SYNPO2: variants seen among roughly 807,000 people sequenced by gnomAD.
SYNPO2 encodes the protein synaptopodin-2.
A neutral mutation model predicts 85.0 loss-of-function variants in SYNPO2; 56 were observed. The ratio of observed to expected loss-of-function variants is 0.66; its 90% CI spans 0.53 to 0.82. The LOEUF is 0.82. Among genes scored for constraint, SYNPO2 ranks in the 40% least tolerant of loss-of-function variants. SYNPO2 has a pLI of 0.00. For synonymous variants in SYNPO2, 602 were observed against 591.1 expected (o/e 1.02, Z -0.27); for missense variants, 1,575 against 1,534.2 (o/e 1.03, Z -0.44).
At chr4:118,918,182 A>T (rs1733416461) in intron 1 of SYNPO2, among the ~76,000 whole-genome samples, 1 of 152,220 alleles carries the variant, frequency 6.6e-6, no homozygotes, top group Non-Finnish European at 1.5e-5. Flanking sequence ...AACTTTAAAA[A>T]ATCCATTTTT....
At chr4:118,906,001 C>A (rs955608) in intron 1 of SYNPO2, among the ~76,000 whole-genome samples, 129,769 of 152,220 alleles carry the variant, frequency 0.85, 55,437 homozygotes, top group Middle Eastern at 0.94. Context: ...AGTAGGAACC[C>A]CATCTTTTCA....
chr4:118,987,674 G>A (rs1040359145), intron 1 of SYNPO2, among the ~76,000 whole-genome samples: 4 of 150,010 alleles, frequency 2.7e-5, no homozygotes, highest in Non-Finnish European at 4.4e-5. Context: ...ATGTGAACTC[G>A]AATTACTGCT....
At chr4:118,952,113 C>T (rs1263995808) in intron 1 of SYNPO2, among the ~76,000 whole-genome samples, 1 of 152,184 alleles carries the variant, frequency 6.6e-6, no homozygotes, top group East Asian at 1.9e-4. Context: ...GTGCATGAGT[C>T]CCCAACCTCC....
chr4:118,933,564 A>G (rs1733998058), intron 1 of SYNPO2, among the ~76,000 whole-genome samples: 1 of 152,230 alleles, frequency 6.6e-6, no homozygotes, highest in Non-Finnish European at 1.5e-5. Flanking sequence ...ATAAACATAG[A>G]TAAGTAAGGA....
chr4:118,962,306 C>A (rs1487211953), intron 1 of SYNPO2, among the ~76,000 whole-genome samples: 1 of 152,194 alleles, frequency 6.6e-6, no homozygotes, highest in Non-Finnish European at 1.5e-5. Context: ...TAAAGGAAGT[C>A]TTGTTAATGC....
chr4:118,910,681 A>C lies in SYNPO2; in HGVS notation c.105+21540A>C, dbSNP rs933607284. Among the ~76,000 whole-genome samples, 4 of 151,976 alleles carry C rather than the reference A, an allele frequency of 2.6e-5. No individual in the cohort carries two copies. The East Asian group carries it at 5.8e-4, about 22-fold the overall frequency. On this transcript the variant is annotated intron_variant, in intron 1 of 4. Transcript: ENST00000307142. ...TTTCATAGAAAAGCTATATTGTTTA[A>C]AACTTTAGCATGTGGGTGGATGAGT...
intron 4 of SYNPO2, chr4:119,033,519 G>A (rs1738372449): frequency 1.0e-6 from 1 of 985,332 alleles, no homozygotes; most frequent in South Asian, 4.7e-5. Context: ...AATTAATGTA[G>A]AGAACTATAA....
rs563187370 is a variant in SYNPO2, at chr4:118,976,969, G to A, written c.106-46461G>A. On this transcript the variant is annotated intron_variant, in intron 1 of 4. Transcript: ENST00000307142. ...ACTCTCCACGTCCCCACCAGACTCA[G>A]GAACCCAGCTGGCTTCACCTAGAGG... 7.4e-3 allele frequency among the ~76,000 whole-genome samples: 1,130 copies of A among 152,346 alleles called. 16 individuals are homozygous for A. Among genetic ancestry groups the A allele is most frequent in the African/African-American group, 0.025 (1,029 of 41,592 alleles).
chr4:118,875,310 C>T, intron 1 of SYNPO2, among the ~76,000 whole-genome samples: 1 of 152,084 alleles, frequency 6.6e-6, no homozygotes. Flanking sequence ...ATTTGACATA[C>T]TTTTTTCTCT....
intron 1 of SYNPO2, among the ~76,000 whole-genome samples, chr4:118,861,728 A>C (rs1731615198): frequency 6.6e-6 from 1 of 152,130 alleles, no homozygotes; most frequent in Admixed American, 6.5e-5. Context: ...AATACCATGT[A>C]GTTATGATTA....
intron 1 of SYNPO2, among the ~76,000 whole-genome samples, chr4:118,912,327 C>T (rs942545200): frequency 5.9e-5 from 9 of 152,084 alleles, no homozygotes; most frequent in African/African-American, 2.2e-4. Flanking sequence ...ACTACAGGTG[C>T]ATGCCACCAG....
intron 1 of SYNPO2, among the ~76,000 whole-genome samples, chr4:118,916,973 A>T (rs547583235): frequency 3.3e-5 from 5 of 152,158 alleles, no homozygotes; most frequent in Admixed American, 6.5e-5. Context: ...TGCCACAAGT[A>T]ATCCTCTTGC....
At chr4:118,931,479 A>G (rs1195859776) in intron 1 of SYNPO2, among the ~76,000 whole-genome samples, 1 of 152,218 alleles carries the variant, frequency 6.6e-6, no homozygotes, top group Non-Finnish European at 1.5e-5. Flanking sequence ...AATTTATACA[A>G]TATAGCCATG....
chr4:118,969,443 G>A (rs1328863364), intron 1 of SYNPO2, among the ~76,000 whole-genome samples: 1 of 152,148 alleles, frequency 6.6e-6, no homozygotes, highest in Non-Finnish European at 1.5e-5. Context: ...GTAATACTGG[G>A]TTTATATTAT....
At chr4:118,854,469 T>C (rs1337108364) in intron 1 of SYNPO2, among the ~76,000 whole-genome samples, 2 of 152,024 alleles carry the variant, frequency 1.3e-5, no homozygotes, top group African/African-American at 4.8e-5. Flanking sequence ...AATAGTTCAA[T>C]TTTTTTTCTA....
intron 4 of SYNPO2, chr4:119,034,093 T>C: frequency 3.0e-6 from 3 of 985,448 alleles, no homozygotes; most frequent in Non-Finnish European, 2.4e-6. Context: ...AATCTATTCA[T>C]TATATAACAC....
intron 1 of SYNPO2, among the ~76,000 whole-genome samples, chr4:118,978,625 A>T (rs1735881486): frequency 6.6e-6 from 1 of 152,310 alleles, no homozygotes; most frequent in African/African-American, 2.4e-5. Context: ...GAAACGGAAA[A>T]ACATTCAACT....
At chr4:119,046,134 A>G (rs1430471265) in intron 4 of SYNPO2, among the ~76,000 whole-genome samples, 2 of 152,180 alleles carry the variant, frequency 1.3e-5, no homozygotes, top group African/African-American at 4.8e-5. Context: ...GGATTAATTG[A>G]GGTAACAAAT....
chr4:118,894,467 T>G (rs1732481970), intron 1 of SYNPO2, among the ~76,000 whole-genome samples: 1 of 151,954 alleles, frequency 6.6e-6, no homozygotes, highest in Non-Finnish European at 1.5e-5. Context: ...GTTTATTTCC[T>G]GGTAGCTTGT....
Sources: allele counts gnomAD v4.1 joint callset (sites outside exome capture counted in the v4.1 genomes callset), GRCh38; gene constraint gnomAD v4.1.1; transcripts MANE v1.5; gene names NCBI Gene and HGNC (gene_info 2026-07-23, HGNC 2026-07-21).